Variants in ZNF827 observed in about 807,000 individuals in gnomAD.
The protein encoded by ZNF827 is zinc finger protein 827.
ZNF827 carries 13 observed loss-of-function variants against 102.4 expected under a neutral mutation model. The ratio of observed to expected loss-of-function variants is 0.13; its 90% CI spans 0.08 to 0.20. ZNF827 has a LOEUF of 0.20. ZNF827 is among the 10% of genes least tolerant of loss of function. The pLI, the probability that ZNF827 is intolerant of heterozygous loss-of-function variation, is 1.00. For missense variants in ZNF827, 1,103 were observed against 1,344.4 expected (o/e 0.82, Z 2.81); for synonymous variants, 523 against 536.2 (o/e 0.98, Z 0.34).
rs1734889183 is a variant in ZNF827, at chr4:145,763,925, T to C, written c.3231-803A>G. ...GTCCTGTTGTTCCCTGACTCTTCTA[T>C]GTGGGGGAGTTTTTGAGGAGGCAGG... On this transcript the variant is annotated intron_variant, in intron 13 of 14. Coordinates refer to ENST00000508784, the MANE Select transcript of ZNF827 (RefSeq NM_001306215.2). The surrounding 1 kb of genome is among the most constrained non-coding windows in gnomAD (Gnocchi z 4.6). 1.3e-5 allele frequency among the ~76,000 whole-genome samples: 2 copies of C among 151,934 alleles called. No homozygotes were observed. The highest frequency in any genetic ancestry group is 2.4e-5 in the African/African-American group (1 of 41,336).
At chr4:145,786,236 G>A (rs766178388) in intron 8 of ZNF827, among the ~76,000 whole-genome samples, 3 of 152,118 alleles carry the variant, frequency 2.0e-5, no homozygotes, top group Non-Finnish European at 4.4e-5. Context: ...GTATTGTTTG[G>A]CTTTGTGGGC....
intron 4 of ZNF827, chr4:145,870,822 C>T (rs191074492): frequency 0.025 from 4,796 of 192,740 alleles, 90 homozygotes; most frequent in Non-Finnish European, 0.037. Context: ...CCACCTAATC[C>T]TATTATGAAA....
In ZNF827 at chr4:145,765,715, C is replaced by T. The variant is rs759516491; in HGVS notation, c.2884G>A (p.Glu962Lys). ...GAGGATGAAGAGGGGCTATTTGATT[C>T]GCTGGGGGTCTTCCTGTCTTCCCCT... ...HTGEDRKTPS[E>K]SNSPSSSSLS... The change falls in exon 12 of 15, where the codon GAA becomes AAA. Residue 962 changes from glutamate to lysine, a missense_variant. Coordinates refer to ENST00000508784, the MANE Select transcript of ZNF827 (RefSeq NM_001306215.2). The surrounding 1 kb of genome is among the most constrained non-coding windows in gnomAD (Gnocchi z 4.7). 8 of 1,613,692 alleles carry T rather than the reference C, an allele frequency of 5.0e-6. No individual in the cohort carries two copies. Among genetic ancestry groups the T allele is most frequent in the South Asian group, 3.3e-5 (3 of 90,998 alleles).
At chr4:145,906,930 T>C (rs1344180202) in intron 1 of ZNF827, 1 of 403,578 alleles carries the variant, frequency 2.5e-6, no homozygotes, top group Non-Finnish European at 4.8e-6. Flanking sequence ...TTAATCACTT[T>C]TCTGAAGATG....
chr4:145,932,908 C>G (rs1019692784), intron 1 of ZNF827, among the ~76,000 whole-genome samples: 18 of 152,324 alleles, frequency 1.2e-4, no homozygotes, highest in African/African-American at 4.3e-4. Flanking sequence ...TTCTACATTT[C>G]CCTTCGAACT....
chr4:145,821,113 A>G (rs1223507992), intron 8 of ZNF827, among the ~76,000 whole-genome samples: 1 of 152,268 alleles, frequency 6.6e-6, no homozygotes, highest in Non-Finnish European at 1.5e-5. Flanking sequence ...ACCTGAAGCA[A>G]CACTTCATAG....
At chr4:145,821,817 T>C (rs1267795853) in intron 8 of ZNF827, among the ~76,000 whole-genome samples, 1 of 152,152 alleles carries the variant, frequency 6.6e-6, no homozygotes, top group African/African-American at 2.4e-5. Flanking sequence ...GATGCACAGT[T>C]AAGCATATAA....
In ZNF827 at chr4:145,774,603, G is replaced by A. The variant is rs770881747; in HGVS notation, c.2763C>T (p.Asp921=). 3 of 1,613,756 alleles carry A rather than the reference G, an allele frequency of 1.9e-6. No homozygotes were observed. Among genetic ancestry groups the A allele is most frequent in the South Asian group, 1.1e-5 (1 of 90,884 alleles). Residue 921 remains aspartate (D), a synonymous_variant, in exon 11 of 15, where the codon GAC becomes GAT. Transcript: ENST00000508784. ...AGATCGAAAACATCCACTGCTCCTT[G>A]TCCACGTGGAGTGACATGTGGCTGA... ...QFVSHMSLHV[D]KEQWMFSICC...
intron 8 of ZNF827, among the ~76,000 whole-genome samples, chr4:145,795,949 G>A (rs369831515): frequency 1.1e-4 from 16 of 152,282 alleles, no homozygotes; most frequent in African/African-American, 2.9e-4. Flanking sequence ...TTCTGGGCAC[G>A]CATATATTTG....
chr4:145,814,801 C>T (rs1365475836), intron 8 of ZNF827, among the ~76,000 whole-genome samples: 1 of 149,942 alleles, frequency 6.7e-6, no homozygotes, highest in Non-Finnish European at 1.5e-5. Context: ...ATTTGCCGGG[C>T]GTTGTGGCAT....
intron 4 of ZNF827, among the ~76,000 whole-genome samples, chr4:145,871,691 C>A (rs369804949): frequency 1.3e-5 from 2 of 152,168 alleles, no homozygotes; most frequent in Non-Finnish European, 2.9e-5. Flanking sequence ...AATAAATCCC[C>A]GAAGCAAACA....
At chr4:145,869,496 T>C (rs987848897) in intron 5 of ZNF827, among the ~76,000 whole-genome samples, 1 of 151,226 alleles carries the variant, frequency 6.6e-6, no homozygotes, top group Non-Finnish European at 1.5e-5. Flanking sequence ...ACTTGACAAG[T>C]ATTATTATTG....
At chr4:145,800,732 A>G (rs1353952911) in intron 8 of ZNF827, among the ~76,000 whole-genome samples, 2 of 152,200 alleles carry the variant, frequency 1.3e-5, no homozygotes. Flanking sequence ...TAGGATGTTT[A>G]AGAGCATCCC....
At chr4:145,933,857 A>G (rs183844677) in intron 1 of ZNF827, among the ~76,000 whole-genome samples, 1 of 152,210 alleles carries the variant, frequency 6.6e-6, no homozygotes, top group East Asian at 1.9e-4. Flanking sequence ...TGTGATTCCA[A>G]ATGTAAAACC....
rs1749047990 is a variant in ZNF827 at position 145,875,141 on chromosome 4, T to G, written c.1748-4663A>C. 2.0e-5 allele frequency among the ~76,000 whole-genome samples: 3 copies of G among 152,194 alleles called. No homozygotes were observed. In the South Asian group the frequency reaches 6.2e-4, roughly 31 times the overall value. On this transcript the variant is annotated intron_variant, in intron 4 of 14. Coordinates refer to ENST00000508784, the MANE Select transcript of ZNF827 (RefSeq NM_001306215.2). ...GGGAAAATACTATATAACTTCCCTATTACTAGGGAAAATACTATATAACTT... is the reference window on the plus strand; with the variant it reads ...GGGAAAATACTATATAACTTCCCTAGTACTAGGGAAAATACTATATAACTT...
chr4:145,787,879 A>G (rs185622647), intron 8 of ZNF827, among the ~76,000 whole-genome samples: 30 of 152,318 alleles, frequency 2.0e-4, no homozygotes, highest in Admixed American at 3.9e-4. Flanking sequence ...CATCTTGCAC[A>G]GGGTCAAGTA....
chr4:145,834,826 G>A (rs1744639090), intron 7 of ZNF827: 1 of 151,526 alleles, frequency 6.6e-6, no homozygotes, highest in African/African-American at 2.4e-5. Flanking sequence ...ATTAAATTCC[G>A]GCCCTGAAAC....
At chr4:145,840,189 T>C (rs534125489) in intron 7 of ZNF827, among the ~76,000 whole-genome samples, 2 of 152,310 alleles carry the variant, frequency 1.3e-5, no homozygotes, top group Non-Finnish European at 2.9e-5. Flanking sequence ...CTTTGAAAAA[T>C]AGAAGCTCAA....
chr4:145,857,903 A>G (rs1479709480), intron 5 of ZNF827, among the ~76,000 whole-genome samples: 2 of 152,034 alleles, frequency 1.3e-5, no homozygotes, highest in Non-Finnish European at 2.9e-5. Flanking sequence ...AAATTAACCT[A>G]TTTTTCATCT....
Sources: allele counts gnomAD v4.1 joint callset (sites outside exome capture counted in the v4.1 genomes callset), GRCh38; gene constraint gnomAD v4.1.1; non-coding constraint Gnocchi (gnomAD v3.1); transcripts MANE v1.5; gene names NCBI Gene and HGNC (gene_info 2026-07-23, HGNC 2026-07-21).